The following VPS37A variants were observed in gnomAD, a reference collection of about 807,000 sequenced individuals.
VPS37A encodes the protein vacuolar protein sorting-associated protein 37A.
Under a neutral mutation model 49.8 loss-of-function variants are expected in VPS37A, and 30 were observed. The ratio of observed to expected loss-of-function variants is 0.60; its 90% confidence interval spans 0.45 to 0.82. The LOEUF (loss-of-function observed/expected upper bound fraction) is 0.82, where lower values mean the gene tolerates loss of function less well. Ranked by LOEUF, VPS37A falls within the 40% of genes least tolerant of loss-of-function variation. VPS37A has a pLI of 0.00. For missense variants in VPS37A, 593 were observed against 464.4 expected (o/e 1.28, Z -2.55); for synonymous variants, 195 against 160.6 (o/e 1.21, Z -1.62).
At chr8:17,332,115 G>T in the VPS37A span, among the ~76,000 whole-genome samples, 2 of 152,116 alleles carry the variant, frequency 1.3e-5, no homozygotes, top group Non-Finnish European at 2.9e-5. Context: ...TATTAAGCAG[G>T]TCATCACATC....
chr8:17,285,058 A>T (rs4921742), intron 10 of VPS37A, among the ~76,000 whole-genome samples: 72,735 of 151,126 alleles, frequency 0.48, 18,993 homozygotes, highest in East Asian at 0.77. Context: ...AAAAAAAAAA[A>T]TTTTTTTTTT....
downstream of VPS37A, chr8:17,300,017 G>T (rs773786079): frequency 6.2e-7 from 1 of 1,614,036 alleles, no homozygotes; most frequent in African/African-American, 1.3e-5. Flanking sequence ...GAACTTTTCA[G>T]ATTGTCTTGG....
downstream of VPS37A, among the ~76,000 whole-genome samples, chr8:17,302,787 C>T (rs905856400): frequency 7.2e-6 from 1 of 138,168 alleles, no homozygotes; most frequent in African/African-American, 2.6e-5. Flanking sequence ...ATATCGGCTC[C>T]TTGCAACCTC....
intron 1 of VPS37A, among the ~76,000 whole-genome samples, chr8:17,262,573 ATGTGTG>A (rs139230717): frequency 5.2e-4 from 77 of 147,456 alleles, no homozygotes; most frequent in African/African-American, 1.5e-3. Context: ...ACTTTAAAGT[ATGTGTG>A]TGTGTGTGTG....
intron 6 of VPS37A, 82 bp from the exon 7 acceptor site, chr8:17,279,946 A>G (rs775939427): frequency 6.3e-7 from 1 of 1,581,900 alleles, no homozygotes; most frequent in African/African-American, 1.4e-5. Flanking sequence ...CAGTTAACTA[A>G]AGCTGAAAAA....
intron 2 of VPS37A, among the ~76,000 whole-genome samples, 160 bp from the exon 3 acceptor site, chr8:17,268,098 A>G (rs1305890852): frequency 6.6e-6 from 1 of 152,208 alleles, no homozygotes; most frequent in South Asian, 2.1e-4. Context: ...TCTTAAACAT[A>G]TTTTCAGACA....
At chr8:17,325,238 G>A in the VPS37A span, among the ~76,000 whole-genome samples, 4 of 152,088 alleles carry the variant, frequency 2.6e-5, no homozygotes, top group African/African-American at 7.2e-5. Context: ...CCTTGGCAGG[G>A]AGACTAGAGC....
chr8:17,286,865 C>G (rs979031430), intron 11 of VPS37A, among the ~76,000 whole-genome samples: 2 of 152,166 alleles, frequency 1.3e-5, no homozygotes, highest in African/African-American at 4.8e-5. Context: ...TGAGGGTTCT[C>G]TTCCTATGCA....
At chr8:17,290,902 G>A (rs911464975) in intron 11 of VPS37A, among the ~76,000 whole-genome samples, 9 of 152,166 alleles carry the variant, frequency 5.9e-5, no homozygotes, top group Admixed American at 3.9e-4. Flanking sequence ...TTGGGAGGAT[G>A]TATGTGTCCA....
At chr8:17,270,297 GT>G (rs1214729738) in intron 4 of VPS37A, among the ~76,000 whole-genome samples, 2 of 152,154 alleles carry the variant, frequency 1.3e-5, no homozygotes, top group Non-Finnish European at 2.9e-5. Context: ...TGACATTTAT[GT>G]TTTTATAAGA....
chr8:17,287,080 T>C (rs902913290), intron 11 of VPS37A, among the ~76,000 whole-genome samples: 5 of 152,340 alleles, frequency 3.3e-5, no homozygotes, highest in Admixed American at 3.3e-4. Flanking sequence ...TGGCACATTC[T>C]TTCTTCTACC....
chr8:17,257,947 A>G (rs1450423225), intron 1 of VPS37A, among the ~76,000 whole-genome samples: 1 of 152,112 alleles, frequency 6.6e-6, no homozygotes, highest in Non-Finnish European at 1.5e-5. Flanking sequence ...TATTGTTAGC[A>G]TATGTAAATG....
intron 10 of VPS37A, 29 bp downstream of exon 10, chr8:17,284,645 G>A: frequency 6.4e-7 from 1 of 1,557,476 alleles, no homozygotes; most frequent in Non-Finnish European, 8.6e-7. Flanking sequence ...TTGAGGACAA[G>A]TATTGGATAA....
chr8:17,251,390 A>G (rs1811959330), intron 1 of VPS37A, among the ~76,000 whole-genome samples: 1 of 152,224 alleles, frequency 6.6e-6, no homozygotes, highest in Non-Finnish European at 1.5e-5. Context: ...GTCATGCAGG[A>G]TTTTTGATAA....
intron 4 of VPS37A, among the ~76,000 whole-genome samples, chr8:17,271,237 A>T (rs1813956324): frequency 6.6e-6 from 1 of 152,202 alleles, no homozygotes; most frequent in African/African-American, 2.4e-5. Flanking sequence ...GTAGAAATTA[A>T]GGGTCTGTTA....
chr8:17,259,589 T>C (rs1425468814), intron 1 of VPS37A, among the ~76,000 whole-genome samples: 1 of 152,108 alleles, frequency 6.6e-6, no homozygotes, highest in Admixed American at 6.5e-5. Flanking sequence ...TTAGGCCTAT[T>C]AGGTCCAAAG....
intron 1 of VPS37A, chr8:17,247,860 C>G (rs1045740961): frequency 8.9e-6 from 6 of 673,802 alleles, no homozygotes; most frequent in African/African-American, 5.3e-5. Flanking sequence ...CTGAGAGTCA[C>G]TTATCACGTA....
the VPS37A span, among the ~76,000 whole-genome samples, chr8:17,331,661 A>C: frequency 3.4e-3 from 520 of 152,358 alleles, 3 homozygotes; most frequent in Non-Finnish European, 5.2e-3. Flanking sequence ...GAATATCAGC[A>C]GAAACAGCTG....
At chr8:17,323,640 G>A in the VPS37A span, among the ~76,000 whole-genome samples, 1 of 152,120 alleles carries the variant, frequency 6.6e-6, no homozygotes, top group Non-Finnish European at 1.5e-5. Context: ...TTGCAGCAGA[G>A]GCCGCAGGGG....
Sources: gnomAD v4.1 joint callset for allele counts (sites outside exome capture counted in the v4.1 genomes callset) on GRCh38, gnomAD v4.1.1 for gene constraint, MANE v1.5 for transcripts, NCBI Gene and HGNC (gene_info 2026-07-23, HGNC 2026-07-21) for gene names.